The following CDH13 variants were observed in gnomAD, a reference collection of about 807,000 sequenced individuals.
The protein encoded by CDH13 is cadherin-13.
A neutral mutation model predicts 63.8 loss-of-function variants in CDH13; 24 were observed. That is an observed-to-expected ratio of 0.38 (90% CI 0.27 to 0.53). CDH13 has a LOEUF of 0.53. Among genes scored for constraint, CDH13 ranks in the 20% least tolerant of loss-of-function variants. The pLI is 0.85. For synonymous variants in CDH13, 503 were observed against 355.3 expected, an observed-to-expected ratio of 1.42 and a Z score of -4.67; for missense variants, 1,049 against 903.1, an observed-to-expected ratio of 1.16 and a Z score of -2.07.
intron 3 of CDH13, among the ~76,000 whole-genome samples, chr16:83,104,887 G>T (rs192546622): frequency 5.9e-5 from 9 of 152,338 alleles, no homozygotes; most frequent in African/African-American, 2.2e-4. Context: ...AATCGATCGA[G>T]TTCTGGCAAT....
At chr16:83,283,636 A>G (rs2089238593) in intron 5 of CDH13, among the ~76,000 whole-genome samples, 1 of 152,102 alleles carries the variant, frequency 6.6e-6, no homozygotes, top group Non-Finnish European at 1.5e-5. Flanking sequence ...AGCCAGGGGC[A>G]ATATCTACCT....
In CDH13 at chr16:83,559,381, G is replaced by A. The variant is rs150434945; in HGVS notation, c.961-43073G>A. Among the ~76,000 whole-genome samples, 21 of 152,218 alleles carry A rather than the reference G, an allele frequency of 1.4e-4. No homozygotes were observed. The East Asian group carries it at 3.9e-3, about 28-fold the overall frequency. ...GAGGTTGTGAGTTCAAGAGCAGCCT[G>A]AGCAACATGGAGAAACCCTGTCTCT... On this transcript the variant is annotated intron_variant, in intron 7 of 13. Coordinates refer to ENST00000567109, the MANE Select transcript of CDH13 (RefSeq NM_001257.5).
intron 6 of CDH13, among the ~76,000 whole-genome samples, chr16:83,425,512 C>T (rs753771758): frequency 6.6e-6 from 1 of 152,238 alleles, no homozygotes; most frequent in Non-Finnish European, 1.5e-5. Flanking sequence ...TTTATGCTAC[C>T]GCATCTCCAC....
chr16:83,410,962 C>T (rs1235561699), intron 6 of CDH13, among the ~76,000 whole-genome samples: 1 of 152,172 alleles, frequency 6.6e-6, no homozygotes, highest in Non-Finnish European at 1.5e-5. Context: ...CCAGTCTTTG[C>T]CGAAATACAC....
chr16:82,991,607 C>G (rs539217732), intron 2 of CDH13, among the ~76,000 whole-genome samples: 2 of 152,252 alleles, frequency 1.3e-5, no homozygotes, highest in African/African-American at 2.4e-5. Flanking sequence ...AAAACTTACC[C>G]TTGACATGTG....
chr16:83,673,379 T>C (rs1296959331), intron 9 of CDH13, among the ~76,000 whole-genome samples: 4 of 151,948 alleles, frequency 2.6e-5, no homozygotes, highest in African/African-American at 9.7e-5. Context: ...CGCTCAGGAG[T>C]ACTACCCTCC....
chr16:83,725,128 C>T (rs955496650), intron 10 of CDH13, among the ~76,000 whole-genome samples: 1 of 152,182 alleles, frequency 6.6e-6, no homozygotes, highest in Admixed American at 6.5e-5. Context: ...TACAATATAA[C>T]AGCAGCAGAG....
chr16:82,881,457 C>A (rs915134314), intron 2 of CDH13, among the ~76,000 whole-genome samples: 2 of 152,052 alleles, frequency 1.3e-5, no homozygotes, highest in African/African-American at 4.8e-5. Context: ...TGAGTTGGGG[C>A]AAGGGAGCCA....
intron 6 of CDH13, among the ~76,000 whole-genome samples, chr16:83,467,974 C>G (rs111883448): frequency 0.027 from 4,079 of 152,270 alleles, 175 homozygotes; most frequent in African/African-American, 0.089. Context: ...GCCTCTTTTT[C>G]TCCTCTGGTT....
intron 2 of CDH13, among the ~76,000 whole-genome samples, chr16:82,872,477 T>A (rs1319840660): frequency 6.6e-6 from 1 of 152,172 alleles, no homozygotes; most frequent in Non-Finnish European, 1.5e-5. Context: ...TAGAACTACA[T>A]AAACTGGGCT....
At chr16:83,665,855 T>C (rs998619142) in intron 8 of CDH13, among the ~76,000 whole-genome samples, 3 of 152,226 alleles carry the variant, frequency 2.0e-5, no homozygotes, top group Non-Finnish European at 4.4e-5. Flanking sequence ...AGAACATGCA[T>C]TCTTGGTGTA....
intron 1 of CDH13, among the ~76,000 whole-genome samples, chr16:82,709,550 AGT>A (rs1181032487): frequency 6.6e-6 from 1 of 152,236 alleles, no homozygotes; most frequent in East Asian, 1.9e-4. Context: ...TTCATCTGAA[AGT>A]GTGGATAACA....
At chr16:83,448,924 A>G (rs1369096105) in intron 6 of CDH13, among the ~76,000 whole-genome samples, 1 of 152,194 alleles carries the variant, frequency 6.6e-6, no homozygotes, top group African/African-American at 2.4e-5. Flanking sequence ...GCCAGTGAGG[A>G]ATACAGGATT....
At chr16:83,543,109 G>A (rs2075323768) in intron 7 of CDH13, among the ~76,000 whole-genome samples, 1 of 152,172 alleles carries the variant, frequency 6.6e-6, no homozygotes, top group South Asian at 2.1e-4. Context: ...CTTGGCGCTT[G>A]GCACATCGTA....
At chr16:82,867,473 G>A (rs1180416478) in intron 2 of CDH13, among the ~76,000 whole-genome samples, 2 of 152,130 alleles carry the variant, frequency 1.3e-5, no homozygotes, top group East Asian at 1.9e-4. Flanking sequence ...GGGCCAGATT[G>A]TCCATGACCC....
At chr16:83,461,320 T>C (rs1000925919) in intron 6 of CDH13, among the ~76,000 whole-genome samples, 9 of 152,240 alleles carry the variant, frequency 5.9e-5, no homozygotes, top group African/African-American at 1.9e-4. Flanking sequence ...ATGAATCTTA[T>C]CTCATTCAAC....
chr16:83,440,803 G>C (rs1036227921), intron 6 of CDH13, among the ~76,000 whole-genome samples: 2 of 136,474 alleles, frequency 1.5e-5, no homozygotes, highest in African/African-American at 5.3e-5. Flanking sequence ...AAAAAAAAAA[G>C]CGGGGGAGGG....
intron 6 of CDH13, among the ~76,000 whole-genome samples, chr16:83,457,279 C>T (rs1350945826): frequency 6.6e-6 from 1 of 152,138 alleles, no homozygotes; most frequent in African/African-American, 2.4e-5. Flanking sequence ...GGGCTTTAAG[C>T]GTTTGATAAA....
At chr16:82,911,855 G>A (rs1160671144) in intron 2 of CDH13, among the ~76,000 whole-genome samples, 1 of 152,078 alleles carries the variant, frequency 6.6e-6, no homozygotes, top group Non-Finnish European at 1.5e-5. Flanking sequence ...GCTGTTTTGA[G>A]CTGAGGGCAC....
Sources: allele counts gnomAD v4.1 joint callset (sites outside exome capture counted in the v4.1 genomes callset), GRCh38; gene constraint gnomAD v4.1.1; transcripts MANE v1.5; gene names NCBI Gene and HGNC (gene_info 2026-07-23, HGNC 2026-07-21).